The following HMMR variants were observed in gnomAD, a reference collection of about 807,000 sequenced individuals.
The protein encoded by HMMR is hyaluronan mediated motility receptor, also known as intracellular hyaluronic acid-binding protein.
In HMMR, 108 loss-of-function variants were observed where a neutral mutation model predicts 101.0. The ratio of observed to expected loss-of-function variants is 1.07; its 90% CI spans 0.92 to 1.25. The LOEUF (loss-of-function observed/expected upper bound fraction) is 1.25, where lower values mean the gene tolerates loss of function less well. Among genes scored for constraint, HMMR ranks in the 50% most tolerant of loss-of-function variants. The pLI is 0.00. For missense variants in HMMR, 813 were observed against 788.7 expected (o/e 1.03, Z -0.37); for synonymous variants, 296 against 276.4 (o/e 1.07, Z -0.70).
intron 12 of HMMR, among the ~76,000 whole-genome samples, chr5:163,480,921 AT>A (rs1345152953): frequency 2.0e-5 from 3 of 152,000 alleles, no homozygotes; most frequent in Admixed American, 6.6e-5. Flanking sequence ...ATGAGTGGAA[AT>A]TCTTGATTTC....
chr5:163,469,945 A>G (rs1157789113), intron 5 of HMMR, 116 bp downstream of exon 5: 5 of 632,540 alleles, frequency 7.9e-6, no homozygotes, highest in Non-Finnish European at 1.3e-5. Flanking sequence ...AGGCAGGCGG[A>G]TCACCTGAGG....
At chr5:163,463,064 A>G (rs1758590899) in intron 1 of HMMR, among the ~76,000 whole-genome samples, 1 of 152,166 alleles carries the variant, frequency 6.6e-6, no homozygotes, top group Non-Finnish European at 1.5e-5. Context: ...TAAAGGCCCC[A>G]TCTCAGGTCT....
intron 13 of HMMR, 78 bp from the exon 14 acceptor site, chr5:163,482,941 AG>A: frequency 7.3e-7 from 1 of 1,375,034 alleles, no homozygotes; most frequent in Non-Finnish European, 9.9e-7. Flanking sequence ...GAGTTCCTTG[AG>A]GTTTAAAGAA....
At chr5:163,484,963 T>C (rs1252232036) in intron 16 of HMMR, among the ~76,000 whole-genome samples, 1 of 152,234 alleles carries the variant, frequency 6.6e-6, no homozygotes, top group Non-Finnish European at 1.5e-5. Flanking sequence ...ATTTTTTTTA[T>C]AGCCTAATAA....
intron 1 of HMMR, among the ~76,000 whole-genome samples, chr5:163,461,977 T>C (rs924322426): frequency 6.6e-6 from 1 of 152,212 alleles, no homozygotes; most frequent in Non-Finnish European, 1.5e-5. Flanking sequence ...TCATACACTA[T>C]TTCGTGGTTA....
At chr5:163,475,738 T>C in intron 11 of HMMR, 66 bp downstream of exon 11, 1 of 698,332 alleles carries the variant, frequency 1.4e-6, no homozygotes. Context: ...GTACTTTTTT[T>C]AGTATTCTCT....
chr5:163,480,504 A>G (rs1759219093), intron 12 of HMMR, among the ~76,000 whole-genome samples: 1 of 152,124 alleles, frequency 6.6e-6, no homozygotes, highest in Non-Finnish European at 1.5e-5. Flanking sequence ...TTGGTTAGTT[A>G]TTATTAGTTA....
chr5:163,474,720 A>G lies in HMMR; in HGVS notation c.1053+515A>G, dbSNP rs1405722322. 4.1e-5 allele frequency: 16 copies of G among 392,698 alleles called. No individual in the cohort carries two copies. In the East Asian group the frequency reaches 1.0e-3, roughly 25 times the overall value. The allele number at this position is 392,698 out of a possible 1,614,324, so 24.3% of individuals were successfully genotyped here. Reference sequence around the variant, plus strand: ...AGTAGAAATAATATTTTTTTCACTTACAAAATTGGCACAAATTAAAACATT... The same window carrying G: ...AGTAGAAATAATATTTTTTTCACTTGCAAAATTGGCACAAATTAAAACATT... On this transcript the variant is annotated intron_variant, in intron 10 of 17. Transcript: ENST00000393915.
At chr5:163,468,336 G>A (rs1226554752) in intron 4 of HMMR, among the ~76,000 whole-genome samples, 1 of 152,172 alleles carries the variant, frequency 6.6e-6, no homozygotes, top group Non-Finnish European at 1.5e-5. Flanking sequence ...CATGTGATTG[G>A]CAGCTACCAT....
At chr5:163,478,611 G>A in intron 11 of HMMR, 73 bp from the exon 12 acceptor site, 1 of 862,622 alleles carries the variant, frequency 1.2e-6, no homozygotes, top group Non-Finnish European at 2.0e-6. Flanking sequence ...AGTTTCAAAG[G>A]TAAATACTAT....
At chr5:163,467,446 C>A (rs889286553) in intron 3 of HMMR, among the ~76,000 whole-genome samples, 1 of 152,174 alleles carries the variant, frequency 6.6e-6, no homozygotes, top group African/African-American at 2.4e-5. Flanking sequence ...TAAAGTTCCA[C>A]CTGTTCTTTT....
Position 163,471,477 on chromosome 5 carries a change from T to C in HMMR, c.650+14T>C. On this transcript the variant is annotated intron_variant, in intron 7 of 17. Transcript: ENST00000393915. ...GGAGGGAAAACTGTAAGTGAGTGAA[T>C]GTGAAGAGAAATTGTTAAGTGGAAG... 1 of 1,543,340 alleles carries C rather than the reference T, an allele frequency of 6.5e-7. No individual in the cohort carries two copies. The highest frequency in any genetic ancestry group is 8.9e-7 in the Non-Finnish European group (1 of 1,117,498).
chr5:163,470,477 G>T (rs924025753), intron 5 of HMMR, among the ~76,000 whole-genome samples: 10 of 151,968 alleles, frequency 6.6e-5, no homozygotes, highest in African/African-American at 2.4e-4. Flanking sequence ...ACAAAAATTA[G>T]TCAGGTATGG....
intron 16 of HMMR, among the ~76,000 whole-genome samples, chr5:163,488,395 T>C (rs1402792783): frequency 1.3e-5 from 2 of 152,182 alleles, no homozygotes; most frequent in African/African-American, 4.8e-5. Flanking sequence ...GGTTATACTT[T>C]TCTGTTTATT....
At chr5:163,461,361 T>C (rs1758526427) in intron 1 of HMMR, among the ~76,000 whole-genome samples, 1 of 152,176 alleles carries the variant, frequency 6.6e-6, no homozygotes, top group Non-Finnish European at 1.5e-5. Flanking sequence ...AGACTGAGAC[T>C]TAAATTTGCT....
At chr5:163,475,752 C>A in intron 11 of HMMR, 80 bp downstream of exon 11, 1 of 600,244 alleles carries the variant, frequency 1.7e-6, no homozygotes, top group Non-Finnish European at 2.8e-6. Flanking sequence ...ATTCTCTTAT[C>A]AATCATGTGA....
At chr5:163,461,659 C>T (rs1758538412) in intron 1 of HMMR, among the ~76,000 whole-genome samples, 1 of 151,932 alleles carries the variant, frequency 6.6e-6, no homozygotes, top group Admixed American at 6.6e-5. Context: ...TGGCGGGCGC[C>T]TGTAGTCCCA....
chr5:163,472,436 C>T (rs1243463206), intron 7 of HMMR, among the ~76,000 whole-genome samples: 2 of 151,960 alleles, frequency 1.3e-5, no homozygotes, highest in Non-Finnish European at 2.9e-5. Flanking sequence ...TTTTTATGGA[C>T]ACGTTTTTAT....
chr5:163,483,581 CAT>C (rs1395209135), intron 15 of HMMR, among the ~76,000 whole-genome samples: 6 of 151,916 alleles, frequency 3.9e-5, no homozygotes, highest in African/African-American at 1.2e-4. Context: ...ATTTAATTGA[CAT>C]AATTTTTTCA....
Sources: gnomAD v4.1 joint callset for allele counts (sites outside exome capture counted in the v4.1 genomes callset) on GRCh38, gnomAD v4.1.1 for gene constraint, MANE v1.5 for transcripts, NCBI Gene and HGNC (gene_info 2026-07-23, HGNC 2026-07-21) for gene names.